Variants in GPATCH2L observed in about 807,000 individuals in gnomAD.
GPATCH2L encodes the protein G patch domain-containing protein 2-like.
In GPATCH2L, 31 loss-of-function variants were observed where a neutral mutation model predicts 57.4. The ratio of observed to expected loss-of-function variants is 0.54; its 90% CI spans 0.41 to 0.73. The LOEUF (loss-of-function observed/expected upper bound fraction) is 0.73. Ranked by LOEUF, GPATCH2L falls within the 30% of genes least tolerant of loss-of-function variation. The probability of loss-of-function intolerance (pLI) is 0.00; values close to 1 mark genes in which losing one functional copy is unlikely to be tolerated. For missense variants in GPATCH2L, 481 were observed against 599.9 expected (o/e 0.80, Z 2.07); for synonymous variants, 199 against 210.7 (o/e 0.94, Z 0.48).
At chr14:76,229,044 G>C (rs930769980) in intron 1 of GPATCH2L, among the ~76,000 whole-genome samples, 5 of 152,226 alleles carry the variant, frequency 3.3e-5, no homozygotes, top group Non-Finnish European at 7.3e-5. Flanking sequence ...TCTCCTGACA[G>C]AGGCACTGAC....
intron 3 of GPATCH2L, among the ~76,000 whole-genome samples, 161 bp downstream of exon 3, chr14:76,166,888 T>G (rs1273646829): frequency 6.6e-6 from 1 of 152,092 alleles, no homozygotes; most frequent in Non-Finnish European, 1.5e-5. Flanking sequence ...AACTGCACAG[T>G]CCTGAGCTCC....
chr14:76,192,521 C>T (rs147922459), intron 8 of GPATCH2L, among the ~76,000 whole-genome samples: 17 of 152,160 alleles, frequency 1.1e-4, no homozygotes, highest in African/African-American at 3.1e-4. Flanking sequence ...GTTTTAAAAA[C>T]GAACATACCT....
At chr14:76,235,031 G>T (rs1022151771) in intron 2 of GPATCH2L, 1 of 152,218 alleles carries the variant, frequency 6.6e-6, no homozygotes, top group Admixed American at 6.5e-5. Context: ...AGCAGGGTGT[G>T]GTGGTGCATG....
At chr14:76,181,668 A>G (rs1468220062) in intron 8 of GPATCH2L, among the ~76,000 whole-genome samples, 2 of 152,170 alleles carry the variant, frequency 1.3e-5, no homozygotes, top group African/African-American at 4.8e-5. Context: ...TATTAGTCAA[A>G]CGAGTGACTC....
In GPATCH2L at chr14:76,177,841, C is replaced by T. The variant is rs1240769623; in HGVS notation, c.1053-147C>T. On this transcript the variant is annotated intron_variant, in intron 6 of 9. Coordinates refer to ENST00000261530, the MANE Select transcript of GPATCH2L (RefSeq NM_017926.4). ...TCTTCTTCTCCCTTCTGTAATTTTC[C>T]TATCACTTCTTTTATTGTTTTCTTT... 6.1e-6 allele frequency: 7 copies of T among 1,146,640 alleles called. No individual in the cohort carries two copies. In the Middle Eastern group the frequency reaches 8.1e-4, roughly 133 times the overall value. 71.0% of individuals were successfully genotyped at this position (1,146,640 alleles called of 1,614,324 possible). A position where few individuals can be genotyped will look rare whatever the true frequency, so the allele number is the denominator to read the frequency against.
chr14:76,197,750 G>A (rs536280755), intron 9 of GPATCH2L, among the ~76,000 whole-genome samples: 6 of 152,246 alleles, frequency 3.9e-5, no homozygotes, highest in South Asian at 4.1e-4. Flanking sequence ...ACTAAATCAC[G>A]CTACGGCATA....
chr14:76,165,571 C>T (rs1028271301), intron 2 of GPATCH2L, among the ~76,000 whole-genome samples: 1 of 150,736 alleles, frequency 6.6e-6, no homozygotes, highest in Non-Finnish European at 1.5e-5. Flanking sequence ...ACATTCTGTG[C>T]ATGTATCCCA....
intron 1 of GPATCH2L, among the ~76,000 whole-genome samples, chr14:76,219,405 G>A (rs1324957312): frequency 6.6e-6 from 1 of 152,100 alleles, no homozygotes; most frequent in African/African-American, 2.4e-5. Context: ...TTGTTAACAC[G>A]CTATAATGGC....
intron 1 of GPATCH2L, among the ~76,000 whole-genome samples, chr14:76,219,635 T>C (rs2040505403): frequency 6.6e-6 from 1 of 152,136 alleles, no homozygotes; most frequent in African/African-American, 2.4e-5. Flanking sequence ...AAAGGTTTTA[T>C]TGGGGAGTAA....
chr14:76,214,536 T>G (rs2040475669), downstream of GPATCH2L, among the ~76,000 whole-genome samples: 1 of 152,208 alleles, frequency 6.6e-6, no homozygotes, highest in Non-Finnish European at 1.5e-5. Flanking sequence ...CAATGTCTGG[T>G]GAGAGCTTGC....
At chr14:76,230,269 C>T (rs756097749) in intron 2 of GPATCH2L, 1 of 152,200 alleles carries the variant, frequency 6.6e-6, no homozygotes, top group Non-Finnish European at 1.5e-5. Flanking sequence ...TTGGATGTAG[C>T]ATGTGTGTGT....
Position 76,211,977 on chromosome 14 carries a change from T to C in GPATCH2L, c.*10126T>C, listed in dbSNP as rs574817824. 6.6e-6 allele frequency: 1 copy of C among 152,330 alleles called. No homozygotes were observed. Among genetic ancestry groups the C allele is most frequent in the Admixed American group, 6.5e-5 (1 of 15,290 alleles). The allele number at this position is 152,330 out of a possible 1,614,324, so 9.4% of individuals were successfully genotyped here. On this transcript the variant is annotated 3_prime_UTR_variant, in exon 10 of 10. Coordinates refer to ENST00000261530, the MANE Select transcript of GPATCH2L (RefSeq NM_017926.4). ...TACATAGAAATAAGAAAGTGACTTA[T>C]GTTCCATTATTAAAATAGTATAGGG...
At chr14:76,166,849 C>A in intron 3 of GPATCH2L, 122 bp downstream of exon 3, 1 of 725,500 alleles carries the variant, frequency 1.4e-6, no homozygotes, top group South Asian at 1.5e-5. Flanking sequence ...AACTTTAAGG[C>A]ATATGAGAGT....
intron 1 of GPATCH2L, among the ~76,000 whole-genome samples, chr14:76,225,718 A>G (rs2040534095): frequency 6.6e-6 from 1 of 152,208 alleles, no homozygotes; most frequent in Admixed American, 6.5e-5. Flanking sequence ...ATATTTGACA[A>G]AGGACTTGCA....
At chr14:76,215,190 G>T (rs1026198263), downstream of GPATCH2L, among the ~76,000 whole-genome samples, 3 of 152,068 alleles carry the variant, frequency 2.0e-5, no homozygotes, top group Non-Finnish European at 4.4e-5. Context: ...GGCCATCAGA[G>T]AAATGCAAAT....
intron 3 of GPATCH2L, among the ~76,000 whole-genome samples, chr14:76,171,182 A>G (rs1269619237): frequency 1.3e-5 from 2 of 152,006 alleles, no homozygotes; most frequent in Non-Finnish European, 2.9e-5. Flanking sequence ...TAATTCCAGC[A>G]CTTTGAGAGG....
At chr14:76,223,747 C>A (rs2040525211) in intron 1 of GPATCH2L, among the ~76,000 whole-genome samples, 1 of 152,006 alleles carries the variant, frequency 6.6e-6, no homozygotes, top group South Asian at 2.1e-4. Flanking sequence ...AAAAGGTAAA[C>A]AATCCAATTT....
intron 2 of GPATCH2L, among the ~76,000 whole-genome samples, chr14:76,230,584 G>A (rs1262079695): frequency 1.3e-5 from 2 of 152,094 alleles, no homozygotes; most frequent in African/African-American, 4.8e-5. Context: ...GAACAAACAA[G>A]AATTTGTGTA....
chr14:76,180,382 T>C (rs2039517012), intron 7 of GPATCH2L, among the ~76,000 whole-genome samples: 1 of 152,176 alleles, frequency 6.6e-6, no homozygotes. Context: ...TTTGCCAGGA[T>C]AAGGAAATGA....
Sources: allele counts gnomAD v4.1 joint callset (sites outside exome capture counted in the v4.1 genomes callset), GRCh38; gene constraint gnomAD v4.1.1; transcripts MANE v1.5; gene names NCBI Gene and HGNC (gene_info 2026-07-23, HGNC 2026-07-21).